The following GPHN variants were observed in gnomAD, a reference collection of about 807,000 sequenced individuals.
GPHN encodes the protein gephyrin.
A neutral mutation model predicts 95.5 loss-of-function variants in GPHN; 17 were observed. That is an observed-to-expected ratio of 0.18 (90% CI 0.12 to 0.27). The LOEUF (loss-of-function observed/expected upper bound fraction) is 0.27, where lower values mean the gene tolerates loss of function less well. GPHN is among the 10% of genes least tolerant of loss of function. The pLI, the probability that GPHN is intolerant of heterozygous loss-of-function variation, is 1.00. For synonymous variants in GPHN, 320 were observed against 322.5 expected, an observed-to-expected ratio of 0.99 and a Z score of 0.08; for missense variants, 660 against 978.1, an observed-to-expected ratio of 0.67 and a Z score of 4.34.
intron 2 of GPHN, among the ~76,000 whole-genome samples, chr14:66,751,733 C>A (rs1314252247): frequency 6.6e-6 from 1 of 152,082 alleles, no homozygotes; most frequent in African/African-American, 2.4e-5. Context: ...TTCTTGAAGA[C>A]CCTAGTATTT....
the GPHN span, among the ~76,000 whole-genome samples, chr14:67,344,257 A>C: frequency 4.6e-4 from 70 of 152,334 alleles, no homozygotes; most frequent in African/African-American, 1.6e-3. Flanking sequence ...AAACTTTCCC[A>C]TAAAAGCCTT....
intron 4 of GPHN, among the ~76,000 whole-genome samples, chr14:66,870,489 C>T (rs544135895): frequency 1.3e-5 from 2 of 152,266 alleles, no homozygotes; most frequent in African/African-American, 2.4e-5. Flanking sequence ...TTTCGATCCT[C>T]AGTTGATTGA....
the GPHN span, among the ~76,000 whole-genome samples, chr14:67,309,851 A>G: frequency 6.6e-6 from 1 of 152,110 alleles, no homozygotes; most frequent in African/African-American, 2.4e-5. Flanking sequence ...AAAACAACAT[A>G]CTGGGTAGGC....
the GPHN span, among the ~76,000 whole-genome samples, chr14:67,494,072 A>G: frequency 6.6e-6 from 1 of 152,010 alleles, no homozygotes; most frequent in Non-Finnish European, 1.5e-5. Flanking sequence ...CACCTCCACC[A>G]TAAGCCTTAA....
the GPHN span, chr14:67,241,307 G>A: frequency 6.5e-6 from 1 of 152,804 alleles, no homozygotes; most frequent in Non-Finnish European, 1.5e-5. Flanking sequence ...GGCCGCAGGG[G>A]CCGGTCTCGC....
intron 16 of GPHN, among the ~76,000 whole-genome samples, chr14:67,118,164 A>C (rs998628038): frequency 6.6e-6 from 1 of 152,232 alleles, no homozygotes; most frequent in Non-Finnish European, 1.5e-5. Flanking sequence ...GTTAGTTAAC[A>C]TGTATACCTC....
chr14:66,910,536 C>T (rs537023531), intron 5 of GPHN, among the ~76,000 whole-genome samples: 28 of 152,054 alleles, frequency 1.8e-4, no homozygotes, highest in Non-Finnish European at 3.1e-4. Context: ...ATAAAATCTG[C>T]TTCTAGCTAT....
chr14:67,623,450 C>T, the GPHN span, among the ~76,000 whole-genome samples: 4 of 151,220 alleles, frequency 2.6e-5, no homozygotes, highest in Admixed American at 1.3e-4. Context: ...TGTTTTCTCT[C>T]GAATGAATGT....
chr14:66,972,425 G>C (rs915945514), intron 9 of GPHN, among the ~76,000 whole-genome samples: 1 of 151,800 alleles, frequency 6.6e-6, no homozygotes, highest in African/African-American at 2.4e-5. Context: ...TAATTTATTA[G>C]TTATTTCATT....
intron 11 of GPHN, among the ~76,000 whole-genome samples, chr14:67,070,715 A>AAAAAAAAAAAAAAAAATATATAT: frequency 2.5e-5 from 2 of 80,740 alleles, no homozygotes; most frequent in African/African-American, 2.5e-4. Flanking sequence ...AAAAAAAAAA[A>AAAAAAAAAAAAAAAAATATATAT]ATATATATAT....
At chr14:66,601,314 G>A (rs529063189) in intron 1 of GPHN, among the ~76,000 whole-genome samples, 7 of 152,084 alleles carry the variant, frequency 4.6e-5, no homozygotes, top group South Asian at 2.1e-4. Context: ...TGGAGACCAC[G>A]GAAAGGCTTT....
intron 10 of GPHN, among the ~76,000 whole-genome samples, chr14:67,047,360 GTGTT>G (rs1720388221): frequency 7.5e-6 from 1 of 133,588 alleles, no homozygotes; most frequent in African/African-American, 2.7e-5. Flanking sequence ...GTGTGTGTGT[GTGTT>G]TGTTTTTTTT....
intron 2 of GPHN, among the ~76,000 whole-genome samples, chr14:66,703,043 C>CAG (rs60240153): frequency 0.33 from 50,209 of 151,816 alleles, 12,254 homozygotes; most frequent in African/African-American, 0.67. Context: ...GAAGGGATAT[C>CAG]AGTTTGAAGA....
chr14:66,562,682 A>C (rs117048102), intron 1 of GPHN, among the ~76,000 whole-genome samples: 2,022 of 152,280 alleles, frequency 0.013, 21 homozygotes, highest in Middle Eastern at 0.02. Context: ...AAATTGTAGG[A>C]TAATAAATAT....
chr14:67,499,065 T>C, the GPHN span, among the ~76,000 whole-genome samples: 1 of 152,038 alleles, frequency 6.6e-6, no homozygotes, highest in African/African-American at 2.4e-5. Flanking sequence ...TTCAGTGGTG[T>C]GATCATAGGT....
the GPHN span, chr14:67,515,292 C>G: frequency 6.5e-6 from 1 of 153,454 alleles, no homozygotes; most frequent in Non-Finnish European, 1.4e-5. Context: ...GTGCCTCCCC[C>G]ACGCCGCCTG....
intron 6 of GPHN, among the ~76,000 whole-genome samples, chr14:66,919,687 A>G (rs1056043109): frequency 6.6e-6 from 1 of 152,168 alleles, no homozygotes; most frequent in Admixed American, 6.6e-5. Context: ...TTGGATATAA[A>G]TATTCATATT....
chr14:66,713,474 C>T (rs1371897492), intron 2 of GPHN, among the ~76,000 whole-genome samples: 1 of 152,112 alleles, frequency 6.6e-6, no homozygotes, highest in African/African-American at 2.4e-5. Flanking sequence ...TTTCTCTATT[C>T]TGTTGCATTG....
At chr14:66,675,574 T>A (rs1322206029) in intron 1 of GPHN, among the ~76,000 whole-genome samples, 1 of 152,210 alleles carries the variant, frequency 6.6e-6, no homozygotes, top group African/African-American at 2.4e-5. Flanking sequence ...ATTTCTTTAC[T>A]CTGTTGATCT....
Sources: allele counts gnomAD v4.1 joint callset (sites outside exome capture counted in the v4.1 genomes callset), GRCh38; gene constraint gnomAD v4.1.1; transcripts MANE v1.5; gene names NCBI Gene and HGNC (gene_info 2026-07-23, HGNC 2026-07-21).